The following EIF3A variants were observed in gnomAD, a reference collection of about 807,000 sequenced individuals.
The protein encoded by EIF3A is eukaryotic translation initiation factor 3 subunit A.
In EIF3A, 21 loss-of-function variants were observed where a neutral mutation model predicts 186.6. The ratio of observed to expected loss-of-function variants is 0.11; its 90% CI spans 0.08 to 0.16. EIF3A has a LOEUF of 0.16. Ranked by LOEUF, EIF3A falls within the 10% of genes least tolerant of loss-of-function variation. EIF3A has a pLI of 1.00. For synonymous variants in EIF3A, 563 were observed against 584.3 expected, an observed-to-expected ratio of 0.96 and a Z score of 0.52; for missense variants, 1,306 against 1,796.3, an observed-to-expected ratio of 0.73 and a Z score of 4.93.
At chr10:119,051,168 A>G in intron 15 of EIF3A, 31 bp downstream of exon 15, 1 of 1,585,020 alleles carries the variant, frequency 6.3e-7, no homozygotes. Flanking sequence ...AAGCTCATGA[A>G]TAAACATTTC....
In EIF3A at chr10:119,042,362, G is replaced by C. The variant is rs1848220758; in HGVS notation, c.3158C>G (p.Ala1053Gly). Reference sequence around the variant, plus strand: ...ACGCCAGGATGATCGCTCATCATCAGCGCCTCCTCGCCTCGGCCCCCGGTC... The same window carrying C: ...ACGCCAGGATGATCGCTCATCATCACCGCCTCCTCGCCTCGGCCCCCGGTC... ...DDDRGPRRGG[A>G]DDERSSWRNA... The change falls in exon 19 of 22, where the codon GCT becomes GGT. Residue 1053 changes from alanine (A) to glycine (G), a missense_variant. Physicochemically the swap from Ala to Gly is moderately conservative, Grantham distance 60. This residue lies in a region of EIF3A where 410 missense variants were observed against 473.5 expected (regional missense o/e 0.87). Transcript: ENST00000369144. The surrounding 1 kb of genome is among the most constrained non-coding windows in gnomAD (Gnocchi z 7.8). The C allele has an allele frequency of 6.2e-7, 1 of 1,612,238 alleles. No individual in the cohort carries two copies. The highest frequency in any genetic ancestry group is 8.5e-7 in the Non-Finnish European group (1 of 1,179,496).
In EIF3A at chr10:119,080,617, C is replaced by G; in HGVS notation, c.49+11G>C. On this transcript the variant is annotated intron_variant, in intron 1 of 21. Transcript: ENST00000369144. ...CCGCCCCAGCCCGGCGCGCCCCGAT[C>G]AGCTACTCACCGTTGGCGCGTTTGA... 1 of 1,582,196 alleles carries G rather than the reference C, an allele frequency of 6.3e-7. No homozygotes were observed. The highest frequency in any genetic ancestry group is 8.6e-7 in the Non-Finnish European group (1 of 1,166,688).
At chr10:119,080,471 C>T in intron 1 of EIF3A, 157 bp downstream of exon 1, 1 of 985,416 alleles carries the variant, frequency 1.0e-6, no homozygotes, top group Non-Finnish European at 1.2e-6. Flanking sequence ...AGAAGGAAAC[C>T]CATGCCCAAC....
At position 119,056,118 on chromosome 10, in the gene EIF3A, A is replaced by G. The variant is rs528114586; in HGVS notation, c.2196+622T>C. 9.8e-5 allele frequency among the ~76,000 whole-genome samples: 15 copies of G among 152,308 alleles called. No individual in the cohort carries two copies. The South Asian group carries it at 3.1e-3, about 32-fold the overall frequency. ...GCCTCCTGCTTATGGTTACTTTTTT[A>G]AAGTAGATCTGCTTACTCACTTTTA... is the stretch of plus-strand genomic sequence containing the variant. On this transcript the variant is annotated intron_variant, in intron 14 of 21. Transcript: ENST00000369144.
At chr10:119,043,082 G>C (rs1848235684) in intron 18 of EIF3A, among the ~76,000 whole-genome samples, 1 of 152,048 alleles carries the variant, frequency 6.6e-6, no homozygotes, top group Admixed American at 6.6e-5. Flanking sequence ...CCAGGAGTTT[G>C]AGACTAGCCT....
intron 21 of EIF3A, 102 bp downstream of exon 21, chr10:119,037,017 G>T (rs1414764815): frequency 7.5e-6 from 6 of 802,144 alleles, no homozygotes; most frequent in African/African-American, 5.2e-5. Flanking sequence ...CTCTCTTATT[G>T]TTGGCCTTCA....
In EIF3A at chr10:119,051,355, CT is replaced by C. The variant is rs199678201; in HGVS notation, c.2197-35del. The C allele has an allele frequency of 3.4e-3, 4,516 of 1,332,538 alleles. 1 individual carries two copies. The highest frequency in any genetic ancestry group is 7.7e-3 in the South Asian group (531 of 68,542). 82.5% of individuals were successfully genotyped at this position (1,332,538 alleles called of 1,614,324 possible). ...ACAAATATTGTGAAATTTCAATGCA[CT>C]TTTTTTTTTACTCATTAACCCCAAA... On this transcript the variant is annotated intron_variant, in intron 14 of 21. Transcript: ENST00000369144.
intron 12 of EIF3A, 117 bp downstream of exon 12, chr10:119,057,839 G>C (rs1005815184): frequency 1.3e-6 from 1 of 773,616 alleles, no homozygotes; most frequent in Non-Finnish European, 2.1e-6. Context: ...GTCATGACCA[G>C]CTGTACCAAA....
intron 9 of EIF3A, 132 bp downstream of exon 9, chr10:119,060,614 A>G: frequency 1.7e-6 from 1 of 581,722 alleles, no homozygotes; most frequent in East Asian, 3.0e-5. Flanking sequence ...CAAATTAATA[A>G]ATAGACTAAT....
At chr10:119,050,945 A>G (rs1172217203) in intron 15 of EIF3A, among the ~76,000 whole-genome samples, 1 of 152,240 alleles carries the variant, frequency 6.6e-6, no homozygotes, top group African/African-American at 2.4e-5. Flanking sequence ...AGCCCAGGAC[A>G]TTTTGATCTA....
In EIF3A at chr10:119,047,370, G is replaced by C. The variant is rs141863462; in HGVS notation, c.2658+2431C>G. 5.1e-3 allele frequency among the ~76,000 whole-genome samples: 774 copies of C among 152,154 alleles called. 7 individuals are homozygous for C. Among genetic ancestry groups the C allele is most frequent in the African/African-American group, 0.017 (721 of 41,510 alleles). ...ATAGAAGCAAATAAAAAGCTCCAAA[G>C]CAAGTGTTAGGAATAAAACCAAATA... On this transcript the variant is annotated intron_variant, in intron 17 of 21. Transcript: ENST00000369144.
Position 119,065,555 on chromosome 10 carries a change from G to T in EIF3A, c.966C>A (p.Val322=). Residue 322 remains valine, a synonymous_variant, in exon 7 of 22, where the codon GTC becomes GTA. Transcript: ENST00000369144. ...TAGGGATGGAAAGAGTGGCTAAAAG[G>T]ACTCTAGTAGACATTCTATGGAGAA... The part of the protein sequence containing the change: ...QDEMQRMSTR[V]LLATLSIPIT... The T allele has an allele frequency of 6.2e-7, 1 of 1,605,776 alleles. No homozygotes were observed. Among genetic ancestry groups the T allele is most frequent in the South Asian group, 1.1e-5 (1 of 90,684 alleles).
intron 1 of EIF3A, among the ~76,000 whole-genome samples, chr10:119,079,628 T>A (rs974279671): frequency 6.6e-6 from 1 of 151,070 alleles, no homozygotes; most frequent in Non-Finnish European, 1.5e-5. Context: ...GCCCAGAGCC[T>A]AGCCAAGAAC....
At chr10:119,059,948 G>A (rs200091681) in intron 9 of EIF3A, 10 of 567,820 alleles carry the variant, frequency 1.8e-5, no homozygotes, top group Non-Finnish European at 3.2e-5. Flanking sequence ...CCTAGTTGTT[G>A]TAAAACAAAA....
intron 14 of EIF3A, among the ~76,000 whole-genome samples, chr10:119,053,569 A>G (rs1848386931): frequency 6.6e-6 from 1 of 151,724 alleles, no homozygotes; most frequent in Non-Finnish European, 1.5e-5. Context: ...AAAAAAAAAA[A>G]AAAAAAAAAG....
chr10:119,042,567 C>A lies in EIF3A; in HGVS notation c.2953G>T (p.Asp985Tyr). Residue 985 changes from aspartate to tyrosine, a missense_variant, in exon 19 of 22, where the codon GAC becomes TAC. Asp to Tyr is a radical substitution (Grantham distance 160). Transcript: ENST00000369144. The surrounding 1 kb of genome is among the most constrained non-coding windows in gnomAD (Gnocchi z 7.8). The part of the protein sequence containing the change: ...DRFSRRGADD[D>Y]RPSWRNTDDD... ...TCTGTGTTACGCCAGGAAGGCCGGT[C>A]ATCGTCTGCCCCACGACGAGAGAAC... 6.2e-7 allele frequency: 1 copy of A among 1,614,218 alleles called. No homozygotes were observed. The highest frequency in any genetic ancestry group is 8.5e-7 in the Non-Finnish European group (1 of 1,180,044).
chr10:119,046,626 G>GTT (rs145826986), intron 17 of EIF3A, among the ~76,000 whole-genome samples: 6 of 152,322 alleles, frequency 3.9e-5, no homozygotes, highest in Non-Finnish European at 8.8e-5. Context: ...AAGGAAAGTT[G>GTT]TAATTTATAC....
At chr10:119,060,552 A>G (rs930720573) in intron 9 of EIF3A, among the ~76,000 whole-genome samples, 194 bp downstream of exon 9, 7 of 152,230 alleles carry the variant, frequency 4.6e-5, no homozygotes, top group African/African-American at 1.7e-4. Context: ...GTGTTCAGCC[A>G]AAAAACAAAA....
At chr10:119,046,395 A>G (rs1210982800) in intron 17 of EIF3A, among the ~76,000 whole-genome samples, 1 of 152,228 alleles carries the variant, frequency 6.6e-6, no homozygotes, top group Non-Finnish European at 1.5e-5. Flanking sequence ...ACTACTGATC[A>G]AGAAACAAAA....
Sources: gnomAD v4.1 joint callset for allele counts (sites outside exome capture counted in the v4.1 genomes callset) on GRCh38, gnomAD v4.1.1 for gene constraint, gnomAD v4.1.1 regional missense constraint, Gnocchi (gnomAD v3.1) non-coding constraint, MANE v1.5 for transcripts, NCBI Gene and HGNC (gene_info 2026-07-23, HGNC 2026-07-21) for gene names.